Variants in ITFG1 observed in about 807,000 individuals in gnomAD.
The protein encoded by ITFG1 is T-cell immunomodulatory protein.
Under a neutral mutation model 81.8 loss-of-function variants are expected in ITFG1, and 34 were observed. That is an observed-to-expected ratio of 0.42 (90% CI 0.32 to 0.55). The LOEUF is 0.55. Among genes scored for constraint, ITFG1 ranks in the 20% least tolerant of loss-of-function variants. The pLI is 0.17. For synonymous variants in ITFG1, 285 were observed against 270.6 expected, an observed-to-expected ratio of 1.05 and a Z score of -0.52; for missense variants, 672 against 755.4, an observed-to-expected ratio of 0.89 and a Z score of 1.29.
chr16:47,450,791 T>C (rs1432418059), intron 5 of ITFG1, among the ~76,000 whole-genome samples: 1 of 152,206 alleles, frequency 6.6e-6, no homozygotes, highest in Non-Finnish European at 1.5e-5. Flanking sequence ...CAGGAATTCT[T>C]GTGCTACGAG....
At chr16:47,452,705 G>T in intron 4 of ITFG1, 28 bp downstream of exon 4, 2 of 1,477,174 alleles carry the variant, frequency 1.4e-6, no homozygotes, top group South Asian at 1.2e-5. Context: ...GTTTAAAATC[G>T]TTTCAAAGGA....
At position 47,162,591 on chromosome 16, in the gene ITFG1, T is replaced by C; in HGVS notation, c.1527A>G (p.Ala509=). The C allele has an allele frequency of 1.2e-6, 2 of 1,612,746 alleles. No individual in the cohort carries two copies. The highest frequency in any genetic ancestry group is 1.7e-6 in the Non-Finnish European group (2 of 1,179,194). The change falls in exon 15 of 18, where the codon GCA becomes GCG. Residue 509 remains alanine (A), a synonymous_variant. Coordinates refer to ENST00000320640, the MANE Select transcript of ITFG1 (RefSeq NM_030790.5). ...CAACGTAGAGATGGTCAAGAAAATT[T>C]GCGCTCCGACCTAAACCAAGCACGT... The part of the protein sequence containing the change: ...PYNVLGLGRS[A]NFLDHLYVGI...
At chr16:47,175,932 G>C (rs1965019198) in intron 14 of ITFG1, among the ~76,000 whole-genome samples, 1 of 152,156 alleles carries the variant, frequency 6.6e-6, no homozygotes, top group Non-Finnish European at 1.5e-5. Context: ...TACAAGTCCA[G>C]GGTGTGCTTC....
intron 14 of ITFG1, among the ~76,000 whole-genome samples, chr16:47,183,431 C>G (rs1472339712): frequency 6.6e-6 from 1 of 152,192 alleles, no homozygotes; most frequent in African/African-American, 2.4e-5. Context: ...AGCTGGAGAT[C>G]TGAGAACGGG....
intron 6 of ITFG1, among the ~76,000 whole-genome samples, chr16:47,404,800 A>AATT (rs1567488479): frequency 6.6e-5 from 10 of 152,288 alleles, no homozygotes; most frequent in African/African-American, 2.4e-4. Flanking sequence ...ACTTGTAATC[A>AATT]AAGCAGTCTT....
chr16:47,241,976 A>T (rs1357828550), intron 12 of ITFG1, among the ~76,000 whole-genome samples: 1 of 151,644 alleles, frequency 6.6e-6, no homozygotes, highest in Non-Finnish European at 1.5e-5. Flanking sequence ...AAAGAAAAAG[A>T]AAAGAGTGAC....
chr16:47,370,540 C>T (rs1968239227), intron 7 of ITFG1, among the ~76,000 whole-genome samples: 1 of 152,232 alleles, frequency 6.6e-6, no homozygotes, highest in Admixed American at 6.5e-5. Flanking sequence ...CCTTTAGGGC[C>T]CTGCAGTTGC....
chr16:47,181,656 C>T (rs1419080664), intron 14 of ITFG1, among the ~76,000 whole-genome samples: 1 of 152,016 alleles, frequency 6.6e-6, no homozygotes, highest in African/African-American at 2.4e-5. Flanking sequence ...GCCCCTCTGC[C>T]CGGCCACCAC....
In ITFG1 at chr16:47,405,146, T is replaced by A. The variant is rs549606745; in HGVS notation, c.655+23658A>T. Among the ~76,000 whole-genome samples the A allele has an allele frequency of 7.9e-5, 12 of 152,258 alleles. No homozygotes were observed. In the South Asian group the frequency reaches 2.5e-3, roughly 32 times the overall value. Reference sequence around the variant, plus strand: ...ATTTTGATATACTCCCTATATCATTTAAAAAAACTCCATAAAACAAAAACC... The same window carrying A: ...ATTTTGATATACTCCCTATATCATTAAAAAAAACTCCATAAAACAAAAACC... On this transcript the variant is annotated intron_variant, in intron 6 of 17. Coordinates refer to ENST00000320640, the MANE Select transcript of ITFG1 (RefSeq NM_030790.5).
intron 8 of ITFG1, among the ~76,000 whole-genome samples, chr16:47,351,465 C>T (rs1265911986): frequency 6.6e-6 from 1 of 152,108 alleles, no homozygotes; most frequent in East Asian, 1.9e-4. Context: ...TTCACAATGG[C>T]TTCAAAGAGA....
chr16:47,314,020 T>C (rs187535479), intron 8 of ITFG1, among the ~76,000 whole-genome samples, 197 bp from the exon 9 acceptor site: 3 of 152,186 alleles, frequency 2.0e-5, no homozygotes, highest in Non-Finnish European at 4.4e-5. Context: ...GGACTGTGTC[T>C]TGTTCTAAAT....
intron 10 of ITFG1, among the ~76,000 whole-genome samples, chr16:47,279,017 TTATATATTG>T (rs1966425935): frequency 6.6e-6 from 1 of 152,208 alleles, no homozygotes; most frequent in South Asian, 2.1e-4. Flanking sequence ...TAGAGTTTTT[TTATATATTG>T]TGAATACAAA....
intron 6 of ITFG1, among the ~76,000 whole-genome samples, chr16:47,409,343 G>C (rs1968769698): frequency 9.9e-6 from 1 of 100,574 alleles, no homozygotes; most frequent in South Asian, 3.7e-4. Flanking sequence ...AGATTTAAAT[G>C]CAAATACATA....
chr16:47,325,936 T>A (rs537787427), intron 8 of ITFG1, among the ~76,000 whole-genome samples: 21 of 152,138 alleles, frequency 1.4e-4, no homozygotes, highest in Non-Finnish European at 2.6e-4. Flanking sequence ...ACTACTCCAA[T>A]CAACACAAAA....
chr16:47,254,601 G>C (rs1966118829), intron 12 of ITFG1, among the ~76,000 whole-genome samples: 1 of 152,146 alleles, frequency 6.6e-6, no homozygotes, highest in East Asian at 1.9e-4. Flanking sequence ...TCTATTTTAA[G>C]AGTATAAAAC....
chr16:47,162,630 G>A lies in ITFG1; in HGVS notation c.1488C>T (p.Leu496=), dbSNP rs149075617. The part of the protein sequence containing the change: ...GQLSQSAHLA[L]QLPYNVLGLG... ...AACCAAGCACGTTGTATGGTAGTTGGAGAGCTAAATGTGCGGATTGGCTGA... is the reference window on the plus strand; with the variant it reads ...AACCAAGCACGTTGTATGGTAGTTGAAGAGCTAAATGTGCGGATTGGCTGA... The change falls in exon 15 of 18, where the codon CTC becomes CTT. Residue 496 remains leucine, a synonymous_variant. Transcript: ENST00000320640. The A allele has an allele frequency of 1.4e-5, 22 of 1,610,742 alleles. No homozygotes were observed. Among genetic ancestry groups the A allele is most frequent in the African/African-American group, 2.7e-5 (2 of 74,904 alleles).
At chr16:47,173,260 C>A (rs2151510602) in intron 14 of ITFG1, among the ~76,000 whole-genome samples, 1 of 152,266 alleles carries the variant, frequency 6.6e-6, no homozygotes, top group South Asian at 2.1e-4. Flanking sequence ...CACTGCCTAA[C>A]ACTAGATAGT....
chr16:47,272,727 T>C (rs1405538469), intron 10 of ITFG1, among the ~76,000 whole-genome samples: 3 of 151,952 alleles, frequency 2.0e-5, no homozygotes, highest in South Asian at 2.1e-4. Flanking sequence ...CTAAATTGTA[T>C]AGAATAAATG....
intron 6 of ITFG1, among the ~76,000 whole-genome samples, chr16:47,403,279 G>A (rs984184004): frequency 6.7e-6 from 1 of 148,476 alleles, no homozygotes; most frequent in Non-Finnish European, 1.5e-5. Flanking sequence ...TAAACACTGT[G>A]TGGAAGCAAC....
Sources: gnomAD v4.1 joint callset for allele counts (sites outside exome capture counted in the v4.1 genomes callset) on GRCh38, gnomAD v4.1.1 for gene constraint, MANE v1.5 for transcripts, NCBI Gene and HGNC (gene_info 2026-07-23, HGNC 2026-07-21) for gene names.